The following TANC2 variants were observed in gnomAD, a reference collection of about 807,000 sequenced individuals.
TANC2 encodes tetratricopeptide repeat, ankyrin repeat and coiled-coil containing 2, also known as protein TANC2.
In TANC2, 26 loss-of-function variants were observed where a neutral mutation model predicts 210.5. That is an observed-to-expected ratio of 0.12 (90% CI 0.09 to 0.17). The LOEUF is 0.17. Among genes scored for constraint, TANC2 ranks in the 10% least tolerant of loss-of-function variants. TANC2 has a pLI of 1.00. For synonymous variants in TANC2, 931 were observed against 967.1 expected, an observed-to-expected ratio of 0.96 and a Z score of 0.69; for missense variants, 2,129 against 2,608.9, an observed-to-expected ratio of 0.82 and a Z score of 4.01.
At chr17:63,406,029 A>T (rs2048494663) in intron 20 of TANC2, 125 bp from the exon 21 acceptor site, 14 of 1,208,484 alleles carry the variant, frequency 1.2e-5, no homozygotes, top group Non-Finnish European at 1.6e-5. Context: ...TTATGGGGGA[A>T]GTGGAAAGAT....
intron 11 of TANC2, chr17:63,334,002 A>C (rs1363088287): frequency 6.6e-6 from 1 of 152,236 alleles, no homozygotes; most frequent in Non-Finnish European, 1.5e-5. Context: ...GCACAGGGAA[A>C]TCAAAAAAAT....
chr17:63,422,325 AT>A (rs1373279333), exon 28 of TANC2: 1 of 187,428 alleles, frequency 5.3e-6, no homozygotes, highest in Non-Finnish European at 1.1e-5. Flanking sequence ...TTTTTAAAAA[AT>A]AAGGTGTTCT....
At chr17:63,374,089 T>G (rs1173899887) in intron 14 of TANC2, among the ~76,000 whole-genome samples, 2 of 136,148 alleles carry the variant, frequency 1.5e-5, no homozygotes, top group Non-Finnish European at 3.0e-5. Flanking sequence ...CAGGCTGGAG[T>G]GCAACGGTGT....
chr17:63,388,216 C>T (rs1344417313), intron 15 of TANC2: 2 of 153,540 alleles, frequency 1.3e-5, no homozygotes, highest in South Asian at 2.1e-4. Context: ...GCCTACCTAA[C>T]TGTAAAGGAG....
chr17:63,043,403 A>G (rs1054748609), intron 2 of TANC2, among the ~76,000 whole-genome samples: 1 of 152,154 alleles, frequency 6.6e-6, no homozygotes, highest in Non-Finnish European at 1.5e-5. Flanking sequence ...ATATACATAC[A>G]TATATAAACC....
chr17:63,321,771 A>G (rs2045501108), intron 11 of TANC2, among the ~76,000 whole-genome samples: 2 of 152,076 alleles, frequency 1.3e-5, no homozygotes, highest in Non-Finnish European at 2.9e-5. Flanking sequence ...CCCTAAGTCT[A>G]GATTCTCTCT....
rs374623065 is a variant in TANC2, at chr17:63,233,261, G to A, written c.770-4553G>A. 3.6e-4 allele frequency among the ~76,000 whole-genome samples: 53 copies of A among 146,024 alleles called. 1 individual carries two copies. The South Asian group carries it at 0.011, about 30-fold the overall frequency. On this transcript the variant is annotated intron_variant, in intron 7 of 27. Coordinates refer to ENST00000689528, the Ensembl canonical transcript of TANC2. Reference sequence around the variant, plus strand: ...TTAGGCAGTTTCCAGCCAAGAGGCCGCCGTAGTCTTAGGCAGTTTCCAGCC... The same window carrying A: ...TTAGGCAGTTTCCAGCCAAGAGGCCACCGTAGTCTTAGGCAGTTTCCAGCC...
At chr17:63,308,735 T>C (rs1017111792) in intron 9 of TANC2, among the ~76,000 whole-genome samples, 5 of 152,200 alleles carry the variant, frequency 3.3e-5, no homozygotes, top group African/African-American at 9.7e-5. Context: ...AATTAGTTGT[T>C]GGATTTGGCA....
At chr17:63,395,639 G>A (rs2048130551) in intron 17 of TANC2, 104 bp from the exon 18 acceptor site, 1 of 1,060,772 alleles carries the variant, frequency 9.4e-7, no homozygotes, top group East Asian at 2.6e-5. Flanking sequence ...GGAGTGGAAA[G>A]GATGATTCTT....
At chr17:63,187,555 A>G (rs115239062) in intron 5 of TANC2, among the ~76,000 whole-genome samples, 5,963 of 151,998 alleles carry the variant, frequency 0.039, 416 homozygotes, top group African/African-American at 0.14. Context: ...TGTTTTTTAT[A>G]TATATATATA....
At position 63,171,749 on chromosome 17, in the gene TANC2, T is replaced by C. The variant is rs116140146; in HGVS notation, c.433+20369T>C. The stretch of plus-strand genomic sequence containing the variant: ...AGGCACATAATACATTTTTGTATTA[T>C]AACACAAGATGCCTACTATATCTAC... On this transcript the variant is annotated intron_variant, in intron 5 of 27. Transcript: ENST00000689528. Among the ~76,000 whole-genome samples the C allele has an allele frequency of 4.2e-3, 646 of 152,364 alleles. 6 individuals carry two copies. Among genetic ancestry groups the C allele is most frequent in the African/African-American group, 0.014 (563 of 41,574 alleles).
intron 1 of TANC2, chr17:63,004,759 C>T: frequency 2.9e-6 from 1 of 340,216 alleles, no homozygotes; most frequent in Non-Finnish European, 5.7e-6. Flanking sequence ...TCTGTTTTGG[C>T]ATTTCCATTT....
chr17:63,216,093 A>G (rs1316515104), intron 7 of TANC2, among the ~76,000 whole-genome samples: 2 of 151,096 alleles, frequency 1.3e-5, no homozygotes, highest in African/African-American at 4.9e-5. Context: ...CTGTTGCCCA[A>G]GCTGGAGTGC....
intron 5 of TANC2, chr17:63,182,704 A>C (rs185395401): frequency 6.5e-6 from 1 of 154,610 alleles, no homozygotes; most frequent in Non-Finnish European, 1.4e-5. Context: ...ATTTTCCTCC[A>C]TGTTATTTGG....
At chr17:63,387,233 G>T (rs922780297) in intron 15 of TANC2, among the ~76,000 whole-genome samples, 3 of 152,054 alleles carry the variant, frequency 2.0e-5, no homozygotes, top group Non-Finnish European at 4.4e-5. Flanking sequence ...AAAAAAAGGT[G>T]CCTGTGTCGG....
At chr17:63,389,939 G>C (rs1309128913) in intron 17 of TANC2, 1 of 242,952 alleles carries the variant, frequency 4.1e-6, no homozygotes, top group Middle Eastern at 1.5e-3. Flanking sequence ...TTCATGTGTA[G>C]AGAAGAAAAC....
chr17:63,080,122 T>C (rs2036718366), intron 3 of TANC2, among the ~76,000 whole-genome samples: 1 of 152,228 alleles, frequency 6.6e-6, no homozygotes, highest in South Asian at 2.1e-4. Context: ...AGTTTATTAA[T>C]AGCAGGGTCT....
At chr17:63,193,524 G>C (rs2041250864) in intron 5 of TANC2, among the ~76,000 whole-genome samples, 1 of 152,136 alleles carries the variant, frequency 6.6e-6, no homozygotes, top group Non-Finnish European at 1.5e-5. Context: ...TTGTGATGCT[G>C]TTGTTTTGGC....
chr17:63,296,331 A>G (rs1344871187), intron 9 of TANC2, among the ~76,000 whole-genome samples: 1 of 152,180 alleles, frequency 6.6e-6, no homozygotes, highest in Non-Finnish European at 1.5e-5. Flanking sequence ...GAGAGACTTC[A>G]GTGACTACAC....
Sources: gnomAD v4.1 joint callset for allele counts (sites outside exome capture counted in the v4.1 genomes callset) on GRCh38, gnomAD v4.1.1 for gene constraint, MANE v1.5 for transcripts, NCBI Gene and HGNC (gene_info 2026-07-23, HGNC 2026-07-21) for gene names.